DLG2: variants seen among roughly 807,000 people sequenced by gnomAD.
The protein encoded by DLG2 is disks large homolog 2.
DLG2 carries 45 observed loss-of-function variants against 132.5 expected under a neutral mutation model. The observed-to-expected ratio is 0.34, with a 90% CI of 0.27 to 0.44. DLG2 has a LOEUF of 0.44. DLG2 is among the 20% of genes least tolerant of loss of function. DLG2 has a pLI of 1.00. For synonymous variants in DLG2, 424 were observed against 419.6 expected, an observed-to-expected ratio of 1.01 and a Z score of -0.13; for missense variants, 1,045 against 1,196.9, an observed-to-expected ratio of 0.87 and a Z score of 1.87.
chr11:83,508,484 C>T (rs2094847850), intron 21 of DLG2, among the ~76,000 whole-genome samples: 1 of 147,864 alleles, frequency 6.8e-6, no homozygotes, highest in African/African-American at 2.5e-5. Flanking sequence ...ACCTCATGAT[C>T]CACCTGCCTT....
At chr11:84,229,924 T>A (rs1436825620) in intron 8 of DLG2, among the ~76,000 whole-genome samples, 1 of 152,200 alleles carries the variant, frequency 6.6e-6, no homozygotes, top group African/African-American at 2.4e-5. Flanking sequence ...TATGATTAAG[T>A]GAAGTTTTCT....
At chr11:83,823,401 A>G (rs2051425772) in intron 17 of DLG2, among the ~76,000 whole-genome samples, 3 of 152,186 alleles carry the variant, frequency 2.0e-5, no homozygotes, top group Admixed American at 2.0e-4. Flanking sequence ...ATCATCAAGT[A>G]TTTAGCATTT....
intron 3 of DLG2, among the ~76,000 whole-genome samples, chr11:85,472,743 C>T (rs186957936): frequency 5.3e-4 from 80 of 152,324 alleles, no homozygotes; most frequent in Middle Eastern, 3.4e-3. Flanking sequence ...GTATAGCCCC[C>T]GTGTACTCCA....
chr11:84,806,031 C>T (rs940909554), intron 6 of DLG2, among the ~76,000 whole-genome samples: 9 of 151,904 alleles, frequency 5.9e-5, no homozygotes, highest in African/African-American at 1.9e-4. Context: ...ATGAAAAACA[C>T]GATAAATGAA....
intron 18 of DLG2, among the ~76,000 whole-genome samples, chr11:83,709,231 C>CTGTGTGTGTG (rs112665187): frequency 1.4e-5 from 2 of 147,226 alleles, no homozygotes; most frequent in African/African-American, 5.0e-5. Flanking sequence ...AAATTTTACA[C>CTGTGTGTGTG]TGTGTGTGTG....
At chr11:84,307,446 G>C (rs1220212826) in intron 7 of DLG2, among the ~76,000 whole-genome samples, 2 of 152,130 alleles carry the variant, frequency 1.3e-5, no homozygotes, top group Non-Finnish European at 2.9e-5. Context: ...CTGACTTCAA[G>C]AATGAAGCCG....
At chr11:85,188,350 G>T (rs1314963015) in intron 4 of DLG2, among the ~76,000 whole-genome samples, 3 of 152,180 alleles carry the variant, frequency 2.0e-5, no homozygotes, top group Non-Finnish European at 4.4e-5. Flanking sequence ...TAGATTGAAT[G>T]CAGGAAAGTT....
chr11:84,384,760 T>C (rs2098762418), intron 7 of DLG2, among the ~76,000 whole-genome samples: 1 of 152,066 alleles, frequency 6.6e-6, no homozygotes, highest in Non-Finnish European at 1.5e-5. Flanking sequence ...CTAAGACATG[T>C]TGTTCCAGTA....
chr11:84,369,657 C>A (rs1027182749), intron 7 of DLG2, among the ~76,000 whole-genome samples: 1 of 152,108 alleles, frequency 6.6e-6, no homozygotes, highest in Admixed American at 6.6e-5. Flanking sequence ...CTTCATGCCA[C>A]AGACATGGTT....
chr11:83,653,506 C>T (rs1388228159), intron 18 of DLG2, among the ~76,000 whole-genome samples: 2 of 152,192 alleles, frequency 1.3e-5, no homozygotes, highest in African/African-American at 4.8e-5. Context: ...AAGCAGGCTA[C>T]ACCTTGGGCC....
intron 17 of DLG2, among the ~76,000 whole-genome samples, chr11:83,805,573 C>T (rs1198451108): frequency 6.6e-6 from 1 of 152,076 alleles, no homozygotes; most frequent in African/African-American, 2.4e-5. Context: ...CTGTCTCTCT[C>T]CCATCCTCCC....
chr11:83,467,783 A>G lies in DLG2; in HGVS notation c.2620-966T>C, dbSNP rs1407248078. Among the ~76,000 whole-genome samples, 39 of 92,756 alleles carry G rather than the reference A, an allele frequency of 4.2e-4. 1 individual carries two copies. Among genetic ancestry groups the G allele is most frequent in the African/African-American group, 1.7e-3 (30 of 17,664 alleles). 60.9% of individuals were successfully genotyped at this position (92,756 alleles called of 152,430 possible). A position where few individuals can be genotyped will look rare whatever the true frequency, so the allele number is the denominator to read the frequency against. On this transcript the variant is annotated intron_variant, in intron 25 of 27. Transcript: ENST00000376104. ...ATAAAAACTATATGTATATATATAT[A>G]TATATATATATATATATATATATAT...
intron 8 of DLG2, among the ~76,000 whole-genome samples, chr11:84,244,744 C>A (rs1464819331): frequency 1.3e-5 from 2 of 152,070 alleles, no homozygotes; most frequent in Admixed American, 6.6e-5. Flanking sequence ...ATGGGAAAAA[C>A]CACAAAAAGA....
intron 24 of DLG2, among the ~76,000 whole-genome samples, chr11:83,471,311 G>A (rs2068076): frequency 0.35 from 53,742 of 151,890 alleles, 10,528 homozygotes; most frequent in African/African-American, 0.53. Context: ...ATCAATCTAT[G>A]AAAACATACT....
chr11:84,132,092 C>T (rs1346024437), intron 9 of DLG2, among the ~76,000 whole-genome samples: 1 of 151,906 alleles, frequency 6.6e-6, no homozygotes, highest in Admixed American at 6.6e-5. Flanking sequence ...AGCTTTCCAA[C>T]CCTTTCTACA....
intron 19 of DLG2, among the ~76,000 whole-genome samples, chr11:83,576,344 A>G (rs1593548465): frequency 6.6e-6 from 1 of 152,284 alleles, no homozygotes; most frequent in East Asian, 1.9e-4. Flanking sequence ...GTGAGAAGGA[A>G]AGGAAAAATA....
At chr11:83,730,916 C>T (rs1315050044) in intron 18 of DLG2, among the ~76,000 whole-genome samples, 1 of 152,052 alleles carries the variant, frequency 6.6e-6, no homozygotes, top group Non-Finnish European at 1.5e-5. Flanking sequence ...TGATTATTTC[C>T]AATAAGGGGG....
At chr11:84,453,014 C>T (rs1031279346) in intron 7 of DLG2, among the ~76,000 whole-genome samples, 12 of 151,160 alleles carry the variant, frequency 7.9e-5, no homozygotes, top group South Asian at 2.1e-4. Context: ...ATTATATGAA[C>T]GTATCAGATT....
At chr11:84,234,194 CA>C (rs1308589840) in intron 8 of DLG2, among the ~76,000 whole-genome samples, 1 of 152,160 alleles carries the variant, frequency 6.6e-6, no homozygotes, top group Non-Finnish European at 1.5e-5. Context: ...AGGATGCCAA[CA>C]ACATATAAAA....
Sources: gnomAD v4.1 joint callset for allele counts (sites outside exome capture counted in the v4.1 genomes callset) on GRCh38, gnomAD v4.1.1 for gene constraint, MANE v1.5 for transcripts, NCBI Gene and HGNC (gene_info 2026-07-23, HGNC 2026-07-21) for gene names.